The following PGBD4 variants were observed in gnomAD, a reference collection of about 807,000 sequenced individuals.
PGBD4 encodes the protein piggyBac transposable element derived 4.
Under a neutral mutation model 0.3 loss-of-function variants are expected in PGBD4, and 1 was observed. The ratio of observed to expected loss-of-function variants is 3.72; its 90% CI spans 1.32 to 17.64. The LOEUF (loss-of-function observed/expected upper bound fraction) is 17.64, where lower values mean the gene tolerates loss of function less well. Ranked by LOEUF, PGBD4 falls within the 30% of genes most tolerant of loss-of-function variation. The pLI is 0.11. For synonymous variants in PGBD4, 253 were observed against 267.7 expected, an observed-to-expected ratio of 0.95 and a Z score of 0.54; for missense variants, 624 against 719.7, an observed-to-expected ratio of 0.87 and a Z score of 1.52.
chr15:34,103,441 T>G lies in PGBD4; in HGVS notation c.910T>G (p.Ser304Ala). Residue 304 changes from serine (S) to alanine (A), a missense_variant, in exon 1 of 1, where the codon TCA becomes GCA. Coordinates refer to ENST00000397766, the MANE Select transcript of PGBD4 (RefSeq NM_152595.5). The surrounding 1 kb of genome is among the most constrained non-coding windows in gnomAD (Gnocchi z 4.6). ...HTGPGMNLKD[S>A]ADGLKSSRIV... is the part of the protein sequence containing the mutation. ...AGGGCCTGGCATGAATTTGAAAGAT[T>G]CAGCGGATGGCCTGAAATCATCACG... 6.2e-7 allele frequency: 1 copy of G among 1,614,226 alleles called. No individual in the cohort carries two copies. Among genetic ancestry groups the G allele is most frequent in the Non-Finnish European group, 8.5e-7 (1 of 1,180,048 alleles).
In PGBD4 at chr15:34,108,499, T is replaced by C. The variant is rs1422030923; in HGVS notation, c.*4210T>C. The C allele has an allele frequency of 2.0e-5, 3 of 152,162 alleles. No homozygotes were observed. Among genetic ancestry groups the C allele is most frequent in the Non-Finnish European group, 4.4e-5 (3 of 68,036 alleles). 9.4% of individuals were successfully genotyped at this position (152,162 alleles called of 1,614,324 possible). On this transcript the variant is annotated 3_prime_UTR_variant, in exon 1 of 1. Transcript: ENST00000397766. ...GTTTCAGTCCCAACCAGAGCAGAAG[T>C]AAGCATTGTTGAAACCGTAGTAAAA...
Position 34,103,714 on chromosome 15 carries a change from A to G in PGBD4, c.1183A>G (p.Met395Val). ...ATGGTGTGACGGCAAGGAGGTGACA[A>G]TGTTGTCAACATTCCACAATGATAC... ...LKWCDGKEVT[M>V]LSTFHNDTVI... Residue 395 changes from methionine (M) to valine (V), a missense_variant, in exon 1 of 1, where the codon ATG becomes GTG. Met to Val is a conservative substitution (Grantham distance 21). Transcript: ENST00000397766. This position sits in a 1 kb window ranked among gnomAD's most constrained non-coding sequence, Gnocchi z 4.6. The G allele has an allele frequency of 6.2e-7, 1 of 1,614,226 alleles. No homozygotes were observed. The highest frequency in any genetic ancestry group is 8.5e-7 in the Non-Finnish European group (1 of 1,180,038).
In PGBD4 at chr15:34,103,014, A is replaced by G; in HGVS notation, c.483A>G (p.Val161=). The change falls in exon 1 of 1, where the codon GTA becomes GTG. Residue 161 remains valine (V), a synonymous_variant. Transcript: ENST00000397766. The surrounding 1 kb of genome is among the most constrained non-coding windows in gnomAD (Gnocchi z 4.6). ...DNDELKVFFA[V]MLLQGIVQKP... ...ACGAGCTCAAAGTCTTTTTTGCAGT[A>G]ATGTTACTGCAAGGTATTGTGCAGA... is the stretch of plus-strand genomic sequence containing the variant. 1.2e-6 allele frequency: 2 copies of G among 1,614,092 alleles called. No individual in the cohort carries two copies. Among genetic ancestry groups the G allele is most frequent in the Non-Finnish European group, 1.7e-6 (2 of 1,180,030 alleles).
At position 34,106,654 on chromosome 15, in the gene PGBD4, G is replaced by A. The variant is rs557635141; in HGVS notation, c.*2365G>A. 7 of 152,182 alleles carry A rather than the reference G, an allele frequency of 4.6e-5. No homozygotes were observed. In the East Asian group the frequency reaches 1.3e-3, roughly 29 times the overall value. 9.4% of individuals were successfully genotyped at this position (152,182 alleles called of 1,614,324 possible). A position where few individuals can be genotyped will look rare whatever the true frequency, so the allele number is the denominator to read the frequency against. On this transcript the variant is annotated 3_prime_UTR_variant, in exon 1 of 1. Transcript: ENST00000397766. ...ATGGTACAATATTCAAAAGGTATGAGTATACAAAAAAAATCTCCCACCTAC... is the reference window on the plus strand; with the variant it reads ...ATGGTACAATATTCAAAAGGTATGAATATACAAAAAAAATCTCCCACCTAC...
chr15:34,108,476 T>C lies in PGBD4; in HGVS notation c.*4187T>C, dbSNP rs1054252411. On this transcript the variant is annotated 3_prime_UTR_variant, in exon 1 of 1. Transcript: ENST00000397766. ...TTGAGCTGAGCCCTGAGGCCTTTGT[T>C]TCAGTCCCAACCAGAGCAGAAGTAA... 3.3e-5 allele frequency: 5 copies of C among 152,206 alleles called. No individual in the cohort carries two copies. Among genetic ancestry groups the C allele is most frequent in the Non-Finnish European group, 7.3e-5 (5 of 68,028 alleles). The allele number at this position is 152,206 out of a possible 1,614,324, so 9.4% of individuals were successfully genotyped here. A position where few individuals can be genotyped will look rare whatever the true frequency, so the allele number is the denominator to read the frequency against.
chr15:34,108,238 C>G lies in PGBD4; in HGVS notation c.*3949C>G, dbSNP rs1887790890. On this transcript the variant is annotated 3_prime_UTR_variant, in exon 1 of 1. Coordinates refer to ENST00000397766, the MANE Select transcript of PGBD4 (RefSeq NM_152595.5). ...TTGGCCTCCCAAAGTGCTGGGATGA[C>G]AGGCGTGAGCCACCACGCTGGGCCT... 6.6e-6 allele frequency: 1 copy of G among 152,354 alleles called. No individual in the cohort carries two copies. Among genetic ancestry groups the G allele is most frequent in the Non-Finnish European group, 1.5e-5 (1 of 68,120 alleles). The allele number at this position is 152,354 out of a possible 1,614,324, so 9.4% of individuals were successfully genotyped here.
chr15:34,103,374 T>C lies in PGBD4; in HGVS notation c.843T>C (p.Cys281=). ...VRFGLKLYVL[C]ESQSGYVWNA... is the part of the protein sequence containing the mutation. ...TTGGTCTGAAGCTATATGTACTTTG[T>C]GAAAGTCAGTCTGGTTATGTGTGGA... The change falls in exon 1 of 1, where the codon TGT becomes TGC. Residue 281 remains cysteine (C), a synonymous_variant. Coordinates refer to ENST00000397766, the MANE Select transcript of PGBD4 (RefSeq NM_152595.5). This position sits in a 1 kb window ranked among gnomAD's most constrained non-coding sequence, Gnocchi z 4.6. The C allele has an allele frequency of 6.2e-7, 1 of 1,614,182 alleles. No individual in the cohort carries two copies. The highest frequency in any genetic ancestry group is 2.2e-5 in the East Asian group (1 of 44,894).
Position 34,106,053 on chromosome 15 carries a change from C to A in PGBD4, c.*1764C>A, listed in dbSNP as rs1887759861. On this transcript the variant is annotated 3_prime_UTR_variant, in exon 1 of 1. Transcript: ENST00000397766. The stretch of plus-strand genomic sequence containing the variant: ...TCGCTTTGTTCCTCGTGCCTCTGAA[C>A]AGACTGCTGAGATACCCAATCAAGA... 1.2e-5 allele frequency: 2 copies of A among 167,158 alleles called. No individual in the cohort carries two copies. Among genetic ancestry groups the A allele is most frequent in the Non-Finnish European group, 2.9e-5 (2 of 68,186 alleles). The allele number at this position is 167,158 out of a possible 1,614,324, so 10.4% of individuals were successfully genotyped here. A position where few individuals can be genotyped will look rare whatever the true frequency, so the allele number is the denominator to read the frequency against.
In PGBD4 at chr15:34,104,023, C is replaced by G; in HGVS notation, c.1492C>G (p.His498Asp). The stretch of plus-strand genomic sequence containing the variant: ...GATTGAAAGAATGCTGGAAAAGCAT[C>G]ACAAGCCAGGGCAGCAACATCTTCG... ...ALIERMLEKH[H>D]KPGQQHLRGR... Residue 498 changes from histidine (H) to aspartate (D), a missense_variant, in exon 1 of 1, where the codon CAC (histidine) becomes GAC (aspartate). Coordinates refer to ENST00000397766, the MANE Select transcript of PGBD4 (RefSeq NM_152595.5). 6.2e-7 allele frequency: 1 copy of G among 1,614,150 alleles called. No individual in the cohort carries two copies.
At position 34,108,296 on chromosome 15, in the gene PGBD4, T is replaced by G. The variant is rs1177048030; in HGVS notation, c.*4007T>G. On this transcript the variant is annotated 3_prime_UTR_variant, in exon 1 of 1. Coordinates refer to ENST00000397766, the MANE Select transcript of PGBD4 (RefSeq NM_152595.5). ...GTTTTTTAATCCATCTTCTGCCATATGGTGAATTAAATCTAAGTTGTATTG... is the reference window on the plus strand; with the variant it reads ...GTTTTTTAATCCATCTTCTGCCATAGGGTGAATTAAATCTAAGTTGTATTG... 2 of 152,232 alleles carry G rather than the reference T, an allele frequency of 1.3e-5. No homozygotes were observed. Among genetic ancestry groups the G allele is most frequent in the East Asian group, 1.9e-4 (1 of 5,198 alleles). The allele number at this position is 152,232 out of a possible 1,614,324, so 9.4% of individuals were successfully genotyped here. A position where few individuals can be genotyped will look rare whatever the true frequency, so the allele number is the denominator to read the frequency against.
In PGBD4 at chr15:34,105,685, CACTTG is replaced by C. The variant is rs1887755504; in HGVS notation, c.*1401_*1405del. 1 of 166,654 alleles carries C rather than the reference CACTTG, an allele frequency of 6.0e-6. No individual in the cohort carries two copies. Among genetic ancestry groups the C allele is most frequent in the Admixed American group, 6.6e-5 (1 of 15,258 alleles). The allele number at this position is 166,654 out of a possible 1,614,324, so 10.3% of individuals were successfully genotyped here. ...TCAGAAACACACACACACACACACA[CACTTG>C]ACTTTCTTGTCTGCCAAATAAATTT... On this transcript the variant is annotated 3_prime_UTR_variant, in exon 1 of 1. Transcript: ENST00000397766.
rs780762811 is a variant in PGBD4, at chr15:34,102,965, A to G, written c.434A>G (p.Asp145Gly). 1.2e-6 allele frequency: 2 copies of G among 1,614,156 alleles called. No homozygotes were observed. Residue 145 changes from aspartate to glycine, a missense_variant, in exon 1 of 1, where the codon GAT becomes GGT. Transcript: ENST00000397766. This position sits in a 1 kb window ranked among gnomAD's most constrained non-coding sequence, Gnocchi z 4.7. ...GGTCCGAAAGGATTTTCGCGAATGG[A>G]TAAATGGAAAGACACTGACAATGAC... ...PPGPKGFSRM[D>G]KWKDTDNDEL...
Position 34,103,707 on chromosome 15 carries a change from G to A in PGBD4, c.1176G>A (p.Glu392=). The change falls in exon 1 of 1, where the codon GAG becomes GAA. Residue 392 remains glutamate, a synonymous_variant. Coordinates refer to ENST00000397766, the MANE Select transcript of PGBD4 (RefSeq NM_152595.5). This position sits in a 1 kb window ranked among gnomAD's most constrained non-coding sequence, Gnocchi z 4.6. ...LMALKWCDGK[E]VTMLSTFHND... is the part of the protein sequence containing the mutation. The stretch of plus-strand genomic sequence containing the variant: ...CACTGAAATGGTGTGACGGCAAGGA[G>A]GTGACAATGTTGTCAACATTCCACA... The A allele has an allele frequency of 6.2e-7, 1 of 1,614,142 alleles. No homozygotes were observed. The highest frequency in any genetic ancestry group is 8.5e-7 in the Non-Finnish European group (1 of 1,180,044).
rs757294356 is a variant in PGBD4, at chr15:34,103,723, A to G, written c.1192A>G (p.Thr398Ala). Residue 398 changes from threonine to alanine, a missense_variant, in exon 1 of 1, where the codon ACA becomes GCA. By Grantham distance (58) the Thr-to-Ala change is moderately conservative (BLOSUM62 0). Transcript: ENST00000397766. The surrounding 1 kb of genome is among the most constrained non-coding windows in gnomAD (Gnocchi z 4.6). ...CDGKEVTMLS[T>A]FHNDTVIEVN... The stretch of plus-strand genomic sequence containing the variant: ...CGGCAAGGAGGTGACAATGTTGTCA[A>G]CATTCCACAATGATACTGTGATTGA... 3.7e-6 allele frequency: 6 copies of G among 1,614,124 alleles called. No individual in the cohort carries two copies. In the East Asian group the frequency reaches 1.3e-4, roughly 36 times the overall value.
Position 34,106,686 on chromosome 15 carries a change from C to T in PGBD4, c.*2397C>T, listed in dbSNP as rs1430743466. On this transcript the variant is annotated 3_prime_UTR_variant, in exon 1 of 1. Transcript: ENST00000397766. Reference sequence around the variant, plus strand: ...AAAAAAATCTCCCACCTACTTCTCTCCCTAGTCACCCAATTCTCAAGAGGC... The same window carrying T: ...AAAAAAATCTCCCACCTACTTCTCTTCCTAGTCACCCAATTCTCAAGAGGC... 1 of 126,676 alleles carries T rather than the reference C, an allele frequency of 7.9e-6. No individual in the cohort carries two copies. Among genetic ancestry groups the T allele is most frequent in the Non-Finnish European group, 1.9e-5 (1 of 53,630 alleles). 7.8% of individuals were successfully genotyped at this position (126,676 alleles called of 1,614,324 possible). A position where few individuals can be genotyped will look rare whatever the true frequency, so the allele number is the denominator to read the frequency against.
chr15:34,103,846 ACTT>A lies in PGBD4; in HGVS notation c.1319_1321del (p.Ser440del). ...AGTGGACTCGGCTGATCAAATGCTTACTTCTTATCCATCTGAGCGCAAAAGACA... is the reference window on the plus strand; with the variant it reads ...AGTGGACTCGGCTGATCAAATGCTTACTTATCCATCTGAGCGCAAAAGACA... On this transcript the variant is annotated inframe_deletion, in exon 1 of 1. Coordinates refer to ENST00000397766, the MANE Select transcript of PGBD4 (RefSeq NM_152595.5). This position sits in a 1 kb window ranked among gnomAD's most constrained non-coding sequence, Gnocchi z 4.6. The A allele has an allele frequency of 2.5e-6, 4 of 1,614,122 alleles. No homozygotes were observed. Among genetic ancestry groups the A allele is most frequent in the Non-Finnish European group, 3.4e-6 (4 of 1,180,032 alleles).
In PGBD4 at chr15:34,102,474, T is replaced by C; in HGVS notation, c.-58T>C. ...AAAAGACATCATTCTGTTTATAGCA[T>C]TCTGTTTTTAGTAGTGGGATTTCCA... On this transcript the variant is annotated 5_prime_UTR_variant, in exon 1 of 1. Transcript: ENST00000397766. This position sits in a 1 kb window ranked among gnomAD's most constrained non-coding sequence, Gnocchi z 4.7. 1 of 1,456,934 alleles carries C rather than the reference T, an allele frequency of 6.9e-7. No individual in the cohort carries two copies. The highest frequency in any genetic ancestry group is 9.0e-7 in the Non-Finnish European group (1 of 1,108,368). 90.3% of individuals were successfully genotyped at this position (1,456,934 alleles called of 1,614,324 possible).
rs976934191 is a variant in PGBD4 at position 34,104,405 on chromosome 15, C to G, written c.*116C>G. 3.6e-6 allele frequency: 4 copies of G among 1,112,660 alleles called. No homozygotes were observed. The African/African-American group carries it at 4.8e-5, about 13-fold the overall frequency. The allele number at this position is 1,112,660 out of a possible 1,614,324, so 68.9% of individuals were successfully genotyped here. On this transcript the variant is annotated 3_prime_UTR_variant, in exon 1 of 1. Coordinates refer to ENST00000397766, the MANE Select transcript of PGBD4 (RefSeq NM_152595.5). ...ATCACCTGAGATCAGGAATTCAAGA[C>G]CAGCCTGGCCAACATGGTGAAACCC...
rs770560794 is a variant in PGBD4 at position 34,104,274 on chromosome 15, GA to G, written c.1751del (p.Asn584IlefsTer21). 2.9e-5 allele frequency: 47 copies of G among 1,604,604 alleles called. 1 individual carries two copies. Among genetic ancestry groups the G allele is most frequent in the Admixed American group, 2.4e-4 (14 of 57,680 alleles). ...TTCCGTGCTTTGAAATTTACCACAC[GA>G]AAAAAAATTATTAAATACCGATCAT... The part of the protein sequence containing the change: ...VVPCFEIYHT[K>X]KNY On this transcript the variant is annotated frameshift_variant, in exon 1 of 1. Coordinates refer to ENST00000397766, the MANE Select transcript of PGBD4 (RefSeq NM_152595.5). LOFTEE classifies it high-confidence loss of function.
Sources: gnomAD v4.1 joint callset for allele counts on GRCh38, gnomAD v4.1.1 for gene constraint, Gnocchi (gnomAD v3.1) non-coding constraint, MANE v1.5 for transcripts, NCBI Gene and HGNC (gene_info 2026-07-23, HGNC 2026-07-21) for gene names.